CNTNAP3: variants seen among roughly 807,000 people sequenced by gnomAD.
CNTNAP3 encodes contactin associated protein family member 3, also known as contactin-associated protein-like 3.
Under a neutral mutation model 92.1 loss-of-function variants are expected in CNTNAP3, and 36 were observed. That is an observed-to-expected ratio of 0.39 (90% confidence interval 0.30 to 0.52). The LOEUF (loss-of-function observed/expected upper bound fraction) is 0.52, where lower values mean the gene tolerates loss of function less well. CNTNAP3 is among the 20% of genes least tolerant of loss of function. The pLI, the probability that CNTNAP3 is intolerant of heterozygous loss-of-function variation, is 0.76. For synonymous variants in CNTNAP3, 232 were observed against 422.3 expected (o/e 0.55, Z 5.53); for missense variants, 534 against 1,069.6 (o/e 0.50, Z 6.98).
chr9:39,147,733 G>A (rs1220224891), intron 10 of CNTNAP3, among the ~76,000 whole-genome samples: 1 of 152,240 alleles, frequency 6.6e-6, no homozygotes, highest in East Asian at 1.9e-4. Context: ...ACCAAGTTAG[G>A]CACCAATGTA....
intron 13 of CNTNAP3, among the ~76,000 whole-genome samples, chr9:39,122,664 G>A (rs1821058539): frequency 2.0e-5 from 3 of 152,148 alleles, no homozygotes; most frequent in Admixed American, 2.0e-4. Flanking sequence ...CCTTACCTCA[G>A]TTCCTTTGCC....
chr9:39,120,334 T>C (rs1225121660), intron 13 of CNTNAP3, among the ~76,000 whole-genome samples: 6 of 152,156 alleles, frequency 3.9e-5, no homozygotes, highest in Non-Finnish European at 5.9e-5. Context: ...TTGTCAACTA[T>C]AAATTATATA....
chr9:39,148,536 T>G (rs1362824043), intron 10 of CNTNAP3, among the ~76,000 whole-genome samples: 1 of 151,460 alleles, frequency 6.6e-6, no homozygotes, highest in East Asian at 1.9e-4. Context: ...CTTTTTTTTT[T>G]TTTTTTTTTG....
chr9:39,122,323 C>T (rs1006138287), intron 13 of CNTNAP3, among the ~76,000 whole-genome samples: 26 of 152,216 alleles, frequency 1.7e-4, no homozygotes, highest in African/African-American at 6.0e-4. Context: ...CCACTGCACT[C>T]CAGCCTGGGC....
At position 39,086,832 on chromosome 9, in the gene CNTNAP3, A is replaced by G; in HGVS notation, c.3238T>C (p.Tyr1080His). The change falls in exon 20 of 24, where the codon TAC (tyrosine) becomes CAC (histidine). Residue 1080 changes from tyrosine to histidine, a missense_variant. Physicochemically the swap from Tyr to His is moderately conservative, Grantham distance 83. Coordinates refer to ENST00000297668, the MANE Select transcript of CNTNAP3 (RefSeq NM_033655.5). The stretch of plus-strand genomic sequence containing the variant: ...GGATTTTGATGTCTATCTAGCTTGT[A>G]CCTAATCTGCAAACTTCCTAAAAAG... The part of the protein sequence containing the change: ...LANNGSLQIR[Y>H]KLDRHQNPDA... 1 of 1,605,398 alleles carries G rather than the reference A, an allele frequency of 6.2e-7. No individual in the cohort carries two copies.
intron 14 of CNTNAP3, among the ~76,000 whole-genome samples, chr9:39,109,507 G>A (rs1346279976): frequency 6.6e-6 from 1 of 152,112 alleles, no homozygotes; most frequent in Non-Finnish European, 1.5e-5. Context: ...TAGCTCAGCA[G>A]GCCATGCAGC....
chr9:39,152,458 A>C (rs981861641), intron 9 of CNTNAP3, among the ~76,000 whole-genome samples: 1 of 146,096 alleles, frequency 6.8e-6, no homozygotes, highest in African/African-American at 2.6e-5. Flanking sequence ...ATGGTACAGC[A>C]GAACCTTCTG....
intron 10 of CNTNAP3, 127 bp from the exon 11 acceptor site, chr9:39,144,473 T>G (rs941275989): frequency 8.5e-6 from 12 of 1,407,814 alleles, no homozygotes; most frequent in Non-Finnish European, 1.1e-5. Flanking sequence ...TAACCCCACA[T>G]GACGTGATTA....
chr9:39,109,494 T>C (rs978372534), intron 14 of CNTNAP3, among the ~76,000 whole-genome samples: 30 of 152,106 alleles, frequency 2.0e-4, no homozygotes, highest in Non-Finnish European at 7.4e-5. Flanking sequence ...CAGCAAGCTA[T>C]CTTAGCTCAG....
At chr9:39,105,705 C>T (rs564837042) in intron 15 of CNTNAP3, among the ~76,000 whole-genome samples, 1 of 152,078 alleles carries the variant, frequency 6.6e-6, no homozygotes, top group South Asian at 2.1e-4. Flanking sequence ...TTTCTGGAAT[C>T]AGCCATTTCT....
intron 21 of CNTNAP3, among the ~76,000 whole-genome samples, chr9:39,081,561 T>G (rs1364037777): frequency 6.6e-6 from 1 of 150,956 alleles, no homozygotes; most frequent in Non-Finnish European, 1.5e-5. Flanking sequence ...GTCAAAAGAA[T>G]GGATCTCTAA....
At chr9:39,110,940 C>T (rs1826732496) in intron 14 of CNTNAP3, among the ~76,000 whole-genome samples, 1 of 152,048 alleles carries the variant, frequency 6.6e-6, no homozygotes, top group Non-Finnish European at 1.5e-5. Flanking sequence ...TTGCCCAGTT[C>T]TCAAACCTTC....
intron 15 of CNTNAP3, among the ~76,000 whole-genome samples, chr9:39,108,486 G>A (rs1287469045): frequency 6.6e-6 from 1 of 152,168 alleles, no homozygotes; most frequent in Non-Finnish European, 1.5e-5. Flanking sequence ...TTGAGGTAGA[G>A]CAGGAAATAA....
At chr9:39,081,949 T>TA (rs1825950567) in intron 21 of CNTNAP3, among the ~76,000 whole-genome samples, 1 of 150,136 alleles carries the variant, frequency 6.7e-6, no homozygotes, top group Non-Finnish European at 1.5e-5. Context: ...TAGCCGGGCA[T>TA]GGTGGTGGGT....
At position 39,064,811 on chromosome 9, in the gene CNTNAP3, A is replaced by T. The variant is rs1187721609; in HGVS notation, c.*9079T>A. On this transcript the variant is annotated 3_prime_UTR_variant, in exon 24 of 24. Coordinates refer to ENST00000297668, the MANE Select transcript of CNTNAP3 (RefSeq NM_033655.5). ...TTGTATTGTACTGTGAAAGATTTAT[A>T]TGTATTTGTATAAAAAATAAATAAA... Among the ~76,000 whole-genome samples, 5 of 152,290 alleles carry T rather than the reference A, an allele frequency of 3.3e-5. No homozygotes were observed. Among genetic ancestry groups the T allele is most frequent in the African/African-American group, 1.2e-4 (5 of 41,468 alleles).
At chr9:39,145,503 C>A (rs1300195208) in intron 10 of CNTNAP3, among the ~76,000 whole-genome samples, 3 of 141,678 alleles carry the variant, frequency 2.1e-5, no homozygotes, top group African/African-American at 7.5e-5. Context: ...GGACGACCAG[C>A]AGAGAACTGG....
chr9:39,129,296 A>G (rs962714258), intron 13 of CNTNAP3, among the ~76,000 whole-genome samples: 1 of 152,234 alleles, frequency 6.6e-6, no homozygotes, highest in Non-Finnish European at 1.5e-5. Flanking sequence ...TTAATGAAAC[A>G]GATAAAGAAT....
At chr9:39,114,025 C>T (rs1820785419) in intron 14 of CNTNAP3, among the ~76,000 whole-genome samples, 1 of 135,662 alleles carries the variant, frequency 7.4e-6, no homozygotes, top group African/African-American at 2.7e-5. Context: ...CATATATATA[C>T]ACACATATAT....
intron 15 of CNTNAP3, among the ~76,000 whole-genome samples, chr9:39,107,687 T>G (rs1564075005): frequency 6.6e-6 from 1 of 152,096 alleles, no homozygotes. Context: ...ATAATCATAT[T>G]GAATGCATAG....
Sources: allele counts gnomAD v4.1 joint callset (sites outside exome capture counted in the v4.1 genomes callset), GRCh38; gene constraint gnomAD v4.1.1; transcripts MANE v1.5; gene names NCBI Gene and HGNC (gene_info 2026-07-23, HGNC 2026-07-21).